EML1: variants seen among roughly 807,000 people sequenced by gnomAD.
EML1 encodes EMAP like 1.
EML1 carries 27 observed loss-of-function variants against 110.4 expected under a neutral mutation model. That is an observed-to-expected ratio of 0.24 (90% confidence interval 0.18 to 0.34). The LOEUF (loss-of-function observed/expected upper bound fraction) is 0.34. Ranked by LOEUF, EML1 falls within the 10% of genes least tolerant of loss-of-function variation. The pLI, the probability that EML1 is intolerant of heterozygous loss-of-function variation, is 1.00. For missense variants in EML1, 741 were observed against 1,030.9 expected, an observed-to-expected ratio of 0.72 and a Z score of 3.85; for synonymous variants, 344 against 385.8, an observed-to-expected ratio of 0.89 and a Z score of 1.27.
chr14:99,768,911 T>C (rs2057394530), upstream of EML1, among the ~76,000 whole-genome samples: 2 of 152,218 alleles, frequency 1.3e-5, no homozygotes, highest in South Asian at 4.2e-4. Context: ...AGAGTTGGTG[T>C]TTTACCATGT....
At chr14:99,785,839 T>G (rs2057593050) in intron 1 of EML1, among the ~76,000 whole-genome samples, 1 of 152,080 alleles carries the variant, frequency 6.6e-6, no homozygotes, top group African/African-American at 2.4e-5. Context: ...GGTGATTTCA[T>G]TTTTAGTTAG....
At chr14:99,795,390 A>G (rs2057751793) in intron 1 of EML1, among the ~76,000 whole-genome samples, 1 of 152,256 alleles carries the variant, frequency 6.6e-6, no homozygotes, top group African/African-American at 2.4e-5. Context: ...CTTAACTAGA[A>G]TCAAACAATA....
chr14:99,938,750 G>T (rs113773321), intron 20 of EML1, among the ~76,000 whole-genome samples: 1 of 152,192 alleles, frequency 6.6e-6, no homozygotes, highest in Non-Finnish European at 1.5e-5. Context: ...AGAAACATGC[G>T]CACACCCAGG....
At chr14:99,814,535 G>A (rs2058135564) in intron 1 of EML1, among the ~76,000 whole-genome samples, 1 of 152,124 alleles carries the variant, frequency 6.6e-6, no homozygotes, top group East Asian at 1.9e-4. Flanking sequence ...GAAGTGCTGA[G>A]GTTACAGACA....
At chr14:99,748,744 C>A (rs943429892) in intron 1 of EML1, among the ~76,000 whole-genome samples, 1 of 152,212 alleles carries the variant, frequency 6.6e-6, no homozygotes, top group East Asian at 1.9e-4. Flanking sequence ...AGTTGTGCAA[C>A]CATCACCACA....
chr14:99,907,270 C>A, intron 9 of EML1: 1 of 184,336 alleles, frequency 5.4e-6, no homozygotes, highest in Non-Finnish European at 1.1e-5. Flanking sequence ...TTGTGACCAG[C>A]CTGGGCAACA....
rs867650002 is a variant in EML1, at chr14:99,893,066, C to A, written c.548-1563C>A. 2.0e-5 allele frequency among the ~76,000 whole-genome samples: 3 copies of A among 152,176 alleles called. No individual in the cohort carries two copies. The South Asian group carries it at 6.2e-4, about 32-fold the overall frequency. ...GAAGGGAAGAAGCTTCAGAAGAGAA[C>A]AGCATGAGCGGTGGCACAGACAGGA... On this transcript the variant is annotated intron_variant, in intron 5 of 21. Coordinates refer to ENST00000262233, the MANE Select transcript of EML1 (RefSeq NM_004434.3).
At chr14:99,739,327 C>A (rs1033947862) in intron 1 of EML1, among the ~76,000 whole-genome samples, 10 of 152,260 alleles carry the variant, frequency 6.6e-5, no homozygotes, top group African/African-American at 2.4e-4. Context: ...AATAGCTCTC[C>A]CTCTCCACCA....
At chr14:99,739,117 A>AGTGTGT (rs1447642844) in intron 1 of EML1, among the ~76,000 whole-genome samples, 48 of 64,188 alleles carry the variant, frequency 7.5e-4, no homozygotes, top group African/African-American at 2.2e-3. Context: ...AGAGAGAGAG[A>AGTGTGT]GAGTGTGTGT....
At chr14:99,758,656 A>C (rs2057282767) in intron 1 of EML1, among the ~76,000 whole-genome samples, 1 of 152,166 alleles carries the variant, frequency 6.6e-6, no homozygotes, top group Admixed American at 6.5e-5. Flanking sequence ...AGGCGAAGAA[A>C]CTGGCCTTGG....
Position 99,852,718 on chromosome 14 carries a change from G to A in EML1, c.250+1683G>A, listed in dbSNP as rs1016143633. The stretch of plus-strand genomic sequence containing the variant: ...GGGAGGGAGGACTGTCTAAGGTTGC[G>A]TCTTTGAGTTTTTTTTTCTCAAGTA... On this transcript the variant is annotated intron_variant, in intron 2 of 21. Coordinates refer to ENST00000262233, the MANE Select transcript of EML1 (RefSeq NM_004434.3). Among the ~76,000 whole-genome samples the A allele has an allele frequency of 4.6e-5, 7 of 152,144 alleles. No homozygotes were observed. In the South Asian group the frequency reaches 6.2e-4, roughly 14 times the overall value.
At chr14:99,908,683 T>C (rs979624287) in intron 10 of EML1, among the ~76,000 whole-genome samples, 4 of 151,862 alleles carry the variant, frequency 2.6e-5, no homozygotes, top group Non-Finnish European at 5.9e-5. Context: ...GTCTTGGAGG[T>C]TAGGGTGTGG....
intron 1 of EML1, among the ~76,000 whole-genome samples, chr14:99,776,590 A>C (rs1205629013): frequency 1.3e-5 from 2 of 152,166 alleles, no homozygotes; most frequent in African/African-American, 2.4e-5. Context: ...GGTTTATTGG[A>C]TATAACTAGC....
At chr14:99,897,054 T>C (rs1300845279) in intron 6 of EML1, 91 bp from the exon 7 acceptor site, 6 of 1,167,168 alleles carry the variant, frequency 5.1e-6, no homozygotes, top group Admixed American at 2.8e-5. Flanking sequence ...GTAATAGTTA[T>C]ATGGTATTTT....
Position 99,749,364 on chromosome 14 carries a change from G to A in EML1, c.28+11504G>A, listed in dbSNP as rs146583951. ...CCCCCAGCCATCCTAGTGGTGTGAA[G>A]TGGTATCTCACTGAGGTTTTCATTT... On this transcript the variant is annotated intron_variant, in intron 1 of 10. Coordinates refer to the EML1 transcript ENST00000554479. Among the ~76,000 whole-genome samples the A allele has an allele frequency of 3.9e-3, 589 of 152,302 alleles. 9 individuals are homozygous for A. Among genetic ancestry groups the A allele is most frequent in the Admixed American group, 0.031 (476 of 15,302 alleles).
intron 1 of EML1, among the ~76,000 whole-genome samples, chr14:99,776,514 A>C (rs892655047): frequency 6.6e-6 from 1 of 150,664 alleles, no homozygotes; most frequent in African/African-American, 2.4e-5. Flanking sequence ...AAAAAAAAAA[A>C]AACAAAACCT....
In EML1 at chr14:99,940,317, G is replaced by A. The variant is rs2140145352; in HGVS notation, c.*205G>A. On this transcript the variant is annotated 3_prime_UTR_variant, in exon 22 of 22. Coordinates refer to ENST00000262233, the MANE Select transcript of EML1 (RefSeq NM_004434.3). ...TGTTCACTTTTGTTGTACAATATAT[G>A]ACACAGTGCACATTGAATACCAACA... 1.9e-6 allele frequency: 1 copy of A among 529,748 alleles called. No individual in the cohort carries two copies. Among genetic ancestry groups the A allele is most frequent in the Non-Finnish European group, 3.0e-6 (1 of 336,724 alleles). The allele number at this position is 529,748 out of a possible 1,614,324, so 32.8% of individuals were successfully genotyped here.
At chr14:99,883,959 A>G (rs188079022) in intron 4 of EML1, among the ~76,000 whole-genome samples, 1 of 152,334 alleles carries the variant, frequency 6.6e-6, no homozygotes, top group Non-Finnish European at 1.5e-5. Context: ...ATAACAAAAG[A>G]AGGTTAAAAT....
chr14:99,913,781 C>T (rs1384989408), intron 13 of EML1, among the ~76,000 whole-genome samples: 3 of 152,108 alleles, frequency 2.0e-5, no homozygotes. Context: ...CCTCCACCTC[C>T]TGGGTTCAAG....
Sources: allele counts gnomAD v4.1 joint callset (sites outside exome capture counted in the v4.1 genomes callset), GRCh38; gene constraint gnomAD v4.1.1; transcripts MANE v1.5; gene names NCBI Gene and HGNC (gene_info 2026-07-23, HGNC 2026-07-21).